The following ABCA3 variants were observed in gnomAD, a reference collection of about 807,000 sequenced individuals.
ABCA3 encodes the protein ATP binding cassette subfamily A member 3, also known as phospholipid-transporting ATPase ABCA3.
Under a neutral mutation model 172.8 loss-of-function variants are expected in ABCA3, and 88 were observed. That is an observed-to-expected ratio of 0.51 (90% confidence interval 0.43 to 0.61). The LOEUF (loss-of-function observed/expected upper bound fraction) is 0.61, where lower values mean the gene tolerates loss of function less well. ABCA3 is among the 20% of genes least tolerant of loss of function. ABCA3 has a pLI of 0.00. For synonymous variants in ABCA3, 1,066 were observed against 983.8 expected, an observed-to-expected ratio of 1.08 and a Z score of -1.56; for missense variants, 2,164 against 2,301.0, an observed-to-expected ratio of 0.94 and a Z score of 1.22.
intron 18 of ABCA3, 21 bp from the exon 19 acceptor site, chr16:2,292,259 T>C (rs1465711621): frequency 1.3e-6 from 2 of 1,588,042 alleles, no homozygotes; most frequent in Admixed American, 3.3e-5. Context: ...GACCCAGCAT[T>C]ATGAGTCACT....
At chr16:2,330,379 G>C (rs1383195024) in intron 1 of ABCA3, among the ~76,000 whole-genome samples, 5 of 149,152 alleles carry the variant, frequency 3.4e-5, no homozygotes, top group African/African-American at 5.0e-5. Flanking sequence ...GAGTGCCGTG[G>C]TGCCATCTCA....
At position 2,281,998 on chromosome 16, in the gene ABCA3, C is replaced by G. The variant is rs1333367634; in HGVS notation, c.4036-489G>C. Among the ~76,000 whole-genome samples, 3 of 152,134 alleles carry G rather than the reference C, an allele frequency of 2.0e-5. No individual in the cohort carries two copies. Among genetic ancestry groups the G allele is most frequent in the Non-Finnish European group, 4.4e-5 (3 of 68,024 alleles). ...AGAGACGGAGTTTCACTGTGTTGGC[C>G]AGGCTGGTCTAGAACTCCTGACCTT... On this transcript the variant is annotated intron_variant, in intron 26 of 32. Coordinates refer to ENST00000301732, the MANE Select transcript of ABCA3 (RefSeq NM_001089.3). This position sits in a 1 kb window ranked among gnomAD's most constrained non-coding sequence, Gnocchi z 4.7.
chr16:2,277,510 G>C lies in ABCA3; in HGVS notation c.4983+87C>G. The C allele has an allele frequency of 7.3e-7, 1 of 1,374,458 alleles. No homozygotes were observed. The highest frequency in any genetic ancestry group is 1.2e-5 in the South Asian group (1 of 82,884). 85.1% of individuals were successfully genotyped at this position (1,374,458 alleles called of 1,614,324 possible). A position where few individuals can be genotyped will look rare whatever the true frequency, so the allele number is the denominator to read the frequency against. On this transcript the variant is annotated intron_variant, in intron 32 of 32. Coordinates refer to ENST00000301732, the MANE Select transcript of ABCA3 (RefSeq NM_001089.3). The surrounding 1 kb of genome is among the most constrained non-coding windows in gnomAD (Gnocchi z 5.3). ...GGAAAGTGACTCCTCTGTGGAAAGA[G>C]CCTGCAGTCACCACAGAGGGAGAGA...
Position 2,286,695 on chromosome 16 carries a change from C to G in ABCA3, c.3277G>C (p.Glu1093Gln). The change falls in exon 22 of 33, where the codon GAG (glutamate) becomes CAG (glutamine). Residue 1093 changes from glutamate (E) to glutamine (Q), a missense_variant and splice_region_variant. Glu to Gln is a conservative substitution (Grantham distance 29). Coordinates refer to ENST00000301732, the MANE Select transcript of ABCA3 (RefSeq NM_001089.3). The surrounding 1 kb of genome is among the most constrained non-coding windows in gnomAD (Gnocchi z 5.2). Reference protein sequence around the residue: ...ALQAAKDQFNEGRKGFDIALN... With the variant: ...ALQAAKDQFNQGRKGFDIALN... Reference sequence around the variant, plus strand: ...GACAGGGACGGGCAGTGCACATACTCGTTAAACTGGTCCTTGGCAGCCTGC... The same window carrying G: ...GACAGGGACGGGCAGTGCACATACTGGTTAAACTGGTCCTTGGCAGCCTGC... 6.2e-7 allele frequency: 1 copy of G among 1,613,066 alleles called. No individual in the cohort carries two copies. Among genetic ancestry groups the G allele is most frequent in the Non-Finnish European group, 8.5e-7 (1 of 1,179,872 alleles).
rs775437521 is a variant in ABCA3 at position 2,284,275 on chromosome 16, T to C, written c.3862+4A>G. The C allele has an allele frequency of 2.5e-6, 4 of 1,612,266 alleles. No individual in the cohort carries two copies. ...CTGCCCGGGGTCGGGGCTGGGACAC[T>C]CACTATATTTCTTGCAGTAGTGGGC... is the stretch of plus-strand genomic sequence containing the variant. On this transcript the variant is annotated splice_donor_region_variant and intron_variant, in intron 25 of 32. Transcript: ENST00000301732. This position sits in a 1 kb window ranked among gnomAD's most constrained non-coding sequence, Gnocchi z 5.9.
intron 12 of ABCA3, among the ~76,000 whole-genome samples, chr16:2,302,771 G>A (rs898964600): frequency 3.4e-5 from 5 of 147,400 alleles, no homozygotes; most frequent in East Asian, 2.0e-4. Flanking sequence ...AGGGATGAGC[G>A]ACTATGTCCA....
At position 2,278,975 on chromosome 16, in the gene ABCA3, C is replaced by A; in HGVS notation, c.4515G>T (p.Glu1505Asp). 1 of 1,613,660 alleles carries A rather than the reference C, an allele frequency of 6.2e-7. No homozygotes were observed. Among genetic ancestry groups the A allele is most frequent in the South Asian group, 1.1e-5 (1 of 91,090 alleles). Residue 1505 changes from glutamate (E) to aspartate (D), a missense_variant, in exon 29 of 33, where the codon GAG becomes GAT. Glu to Asp is a conservative substitution (Grantham distance 45). Around this residue, in one of 3 missense-constraint regions of ABCA3, gnomAD observed 795 missense variants for 881.9 expected, o/e 0.90. Transcript: ENST00000301732. The surrounding 1 kb of genome is among the most constrained non-coding windows in gnomAD (Gnocchi z 4.4). ...VENTLRGLLL[E>D]PHANKLVRTY... Reference sequence around the variant, plus strand: ...TCCTGACCAGCTTGTTGGCATGTGGCTCCAGCAGCAGGCCCCGCAGAGTGT... The same window carrying A: ...TCCTGACCAGCTTGTTGGCATGTGGATCCAGCAGCAGGCCCCGCAGAGTGT...
rs553132961 is a variant in ABCA3, at chr16:2,330,055, G to A, written c.-538-201C>T. On this transcript the variant is annotated intron_variant, in intron 1 of 32. Coordinates refer to ENST00000301732, the MANE Select transcript of ABCA3 (RefSeq NM_001089.3). ...ATGCCTGAACAATTCCAGCACTTTG[G>A]AAGACTGAGCTGGGCGGATCACCTG... Among the ~76,000 whole-genome samples, 5 of 152,092 alleles carry A rather than the reference G, an allele frequency of 3.3e-5. No individual in the cohort carries two copies. The East Asian group carries it at 9.8e-4, about 30-fold the overall frequency.
chr16:2,297,636 G>C lies in ABCA3; in HGVS notation c.2053-97C>G. The C allele has an allele frequency of 6.3e-7, 1 of 1,587,788 alleles. No homozygotes were observed. The highest frequency in any genetic ancestry group is 8.6e-7 in the Non-Finnish European group (1 of 1,169,562). ...CCCCATCGAGGGGTTCGCGGAGCCG[G>C]CTTGAGTCCTCCAAGGATGGTGATG... On this transcript the variant is annotated intron_variant, in intron 16 of 32. Transcript: ENST00000301732. The surrounding 1 kb of genome is among the most constrained non-coding windows in gnomAD (Gnocchi z 5.6).
chr16:2,313,146 G>A (rs2093709208), intron 10 of ABCA3, among the ~76,000 whole-genome samples: 1 of 152,130 alleles, frequency 6.6e-6, no homozygotes, highest in African/African-American at 2.4e-5. Context: ...GATAAGTATG[G>A]CTTGGTGTCT....
intron 10 of ABCA3, among the ~76,000 whole-genome samples, chr16:2,311,899 C>T (rs1008397641): frequency 1.1e-4 from 16 of 152,050 alleles, no homozygotes; most frequent in African/African-American, 2.9e-4. Context: ...TCAGGCAATC[C>T]GCCCGCCTCA....
At chr16:2,299,874 C>T (rs1567343995) in intron 13 of ABCA3, 131 bp downstream of exon 13, 9 of 1,361,198 alleles carry the variant, frequency 6.6e-6, no homozygotes, top group Non-Finnish European at 8.2e-6. Flanking sequence ...GGTTCCTGCC[C>T]TCCTTCAGGG....
At chr16:2,308,170 C>T (rs2093700720) in intron 11 of ABCA3, among the ~76,000 whole-genome samples, 1 of 151,922 alleles carries the variant, frequency 6.6e-6, no homozygotes, top group South Asian at 2.1e-4. Context: ...CTGCTGGATG[C>T]TCCAACCCTC....
Position 2,295,675 on chromosome 16 carries a change from C to G in ABCA3, c.2329G>C (p.Val777Leu). 1 of 1,614,064 alleles carries G rather than the reference C, an allele frequency of 6.2e-7. No individual in the cohort carries two copies. Among genetic ancestry groups the G allele is most frequent in the Middle Eastern group, 1.6e-4 (1 of 6,062 alleles). Residue 777 changes from valine to leucine, a missense_variant, in exon 18 of 33, where the codon GTC (valine) becomes CTC (leucine). Around this residue, in one of 3 missense-constraint regions of ABCA3, gnomAD observed 1,343 missense variants for 1,369.6 expected, o/e 0.98. Coordinates refer to ENST00000301732, the MANE Select transcript of ABCA3 (RefSeq NM_001089.3). ...HCNPEDISQLVHHHVPNATLE... is the reference protein window; with the variant it reads ...HCNPEDISQLLHHHVPNATLE... Reference sequence around the variant, plus strand: ...GTGGCGTTGGGCACGTGGTGGTGGACCAGCTGGGAGATGTCTTCCGGGTTG... The same window carrying G: ...GTGGCGTTGGGCACGTGGTGGTGGAGCAGCTGGGAGATGTCTTCCGGGTTG...
intron 1 of ABCA3, among the ~76,000 whole-genome samples, chr16:2,332,978 T>G (rs528723013): frequency 1.3e-5 from 2 of 152,134 alleles, no homozygotes; most frequent in Non-Finnish European, 2.9e-5. Flanking sequence ...GGCTACTTAT[T>G]ATATTTTTTG....
chr16:2,292,606 T>C (rs1022136112), intron 18 of ABCA3, among the ~76,000 whole-genome samples: 1 of 150,590 alleles, frequency 6.6e-6, no homozygotes. Context: ...CTCAAAAAAA[T>C]AAATAAATAA....
chr16:2,278,083 G>C lies in ABCA3; in HGVS notation c.4719-14C>G, dbSNP rs200395803. 8.7e-6 allele frequency: 14 copies of C among 1,613,120 alleles called. No homozygotes were observed. In the African/African-American group the frequency reaches 1.7e-4, roughly 20 times the overall value. ...CACTCCTCCATGCTGTGGAGAGGGC[G>C]GGACCTCAGATAGGGCTTGGGGTGC... is the stretch of plus-strand genomic sequence containing the variant. On this transcript the variant is annotated splice_polypyrimidine_tract_variant and intron_variant, in intron 30 of 32. Transcript: ENST00000301732. This position sits in a 1 kb window ranked among gnomAD's most constrained non-coding sequence, Gnocchi z 4.4.
At chr16:2,324,862 T>A (rs569190363) in intron 5 of ABCA3, among the ~76,000 whole-genome samples, 1 of 152,046 alleles carries the variant, frequency 6.6e-6, no homozygotes, top group Non-Finnish European at 1.5e-5. Context: ...CGGGGTGGCT[T>A]CTCTTTCTCA....
chr16:2,299,109 ACGGACAGAGGCGG>A, intron 14 of ABCA3, among the ~76,000 whole-genome samples: 1 of 135,872 alleles, frequency 7.4e-6, no homozygotes, highest in Non-Finnish European at 1.6e-5. Flanking sequence ...CCCTGCATTC[ACGGACAGAGGCGG>A]TGAGGAGGGC....
Sources: allele counts gnomAD v4.1 joint callset (sites outside exome capture counted in the v4.1 genomes callset), GRCh38; gene constraint gnomAD v4.1.1; regional missense constraint gnomAD v4.1.1; non-coding constraint Gnocchi (gnomAD v3.1); transcripts MANE v1.5; gene names NCBI Gene and HGNC (gene_info 2026-07-23, HGNC 2026-07-21).